Variants in LTO1 observed in about 807,000 individuals in gnomAD.
The protein encoded by LTO1 is protein LTO1 homolog.
Under a neutral mutation model 19.8 loss-of-function variants are expected in LTO1, and 18 were observed. That is an observed-to-expected ratio of 0.91 (90% CI 0.63 to 1.35). The LOEUF (loss-of-function observed/expected upper bound fraction) is 1.35. LTO1 is among the 40% of genes most tolerant of loss of function. LTO1 has a pLI of 0.00. For missense variants in LTO1, 175 were observed against 167.9 expected (o/e 1.04, Z -0.23); for synonymous variants, 59 against 59.6 (o/e 0.99, Z 0.05).
At chr11:69,668,159 C>T (rs967977698) in intron 3 of LTO1, 147 bp from the exon 4 acceptor site, 12 of 643,976 alleles carry the variant, frequency 1.9e-5, no homozygotes, top group African/African-American at 1.6e-4. Context: ...TCTCATTACA[C>T]GAAATCATAT....
chr11:69,669,388 G>T (rs184594443), intron 3 of LTO1, among the ~76,000 whole-genome samples: 12 of 152,250 alleles, frequency 7.9e-5, no homozygotes, highest in African/African-American at 2.9e-4. Flanking sequence ...GGTGCTCCTG[G>T]ATACAGAGAA....
At chr11:69,675,157 A>G (rs747277266) in intron 1 of LTO1, 33 bp downstream of exon 1, 66 of 1,588,544 alleles carry the variant, frequency 4.2e-5, no homozygotes, top group Non-Finnish European at 5.5e-5. Context: ...ACGACCAGAC[A>G]GGGCGGGGTG....
chr11:69,670,018 C>CAA (rs57287425), intron 3 of LTO1, among the ~76,000 whole-genome samples: 2 of 144,000 alleles, frequency 1.4e-5, no homozygotes. Context: ...AAACAAAAAA[C>CAA]AAAAAAAAAA....
In LTO1 at chr11:69,667,592, A is replaced by C; in HGVS notation, c.346-5T>G. The C allele has an allele frequency of 3.1e-6, 5 of 1,592,654 alleles. No homozygotes were observed. Among genetic ancestry groups the C allele is most frequent in the Non-Finnish European group, 4.3e-6 (5 of 1,160,506 alleles). ...AACATTGAGTAACGAACAAAACTGA[A>C]AACACAAAAGAGATGGTATTTTTAA... On this transcript the variant is annotated splice_region_variant and splice_polypyrimidine_tract_variant and intron_variant, in intron 4 of 4. Transcript: ENST00000279147.
chr11:69,667,892 C>G lies in LTO1; in HGVS notation c.345+3G>C, dbSNP rs761375636. ...AGCAGGAGGAAACACACAGTGCACGCACCTGTTTAAATTTTCCTCTGATCT... is the reference window on the plus strand; with the variant it reads ...AGCAGGAGGAAACACACAGTGCACGGACCTGTTTAAATTTTCCTCTGATCT... On this transcript the variant is annotated splice_donor_region_variant and intron_variant, in intron 4 of 4. Coordinates refer to ENST00000279147, the MANE Select transcript of LTO1 (RefSeq NM_153451.3). The G allele has an allele frequency of 7.7e-7, 1 of 1,305,966 alleles. No individual in the cohort carries two copies. The highest frequency in any genetic ancestry group is 1.4e-5 in the African/African-American group (1 of 69,130). The allele number at this position is 1,305,966 out of a possible 1,614,324, so 80.9% of individuals were successfully genotyped here. A position where few individuals can be genotyped will look rare whatever the true frequency, so the allele number is the denominator to read the frequency against.
chr11:69,674,730 C>T (rs1474696273), intron 1 of LTO1: 9 of 458,208 alleles, frequency 2.0e-5, no homozygotes, highest in Admixed American at 1.9e-4. Context: ...ACTCACAGCT[C>T]CCCCACTGTC....
chr11:69,675,297 A>C lies in LTO1; in HGVS notation c.-58T>G. 7.4e-7 allele frequency: 1 copy of C among 1,346,856 alleles called. No individual in the cohort carries two copies. The highest frequency in any genetic ancestry group is 9.9e-7 in the Non-Finnish European group (1 of 1,007,856). The allele number at this position is 1,346,856 out of a possible 1,614,324, so 83.4% of individuals were successfully genotyped here. On this transcript the variant is annotated 5_prime_UTR_variant, in exon 1 of 5. Transcript: ENST00000279147. ...TTCTGCAGCCCCGCGGTGCCGTAGC[A>C]GACCCGGCAGCTTCAGGCACAAATG...
chr11:69,667,974 A>T lies in LTO1; in HGVS notation c.266T>A (p.Ile89Asn). Residue 89 changes from isoleucine (I) to asparagine (N), a missense_variant, in exon 4 of 5, where the codon ATC (isoleucine) becomes AAC (asparagine). Physicochemically the swap from Ile to Asn is moderately radical, Grantham distance 149. Transcript: ENST00000279147. ...MKVLESLIGM[I>N]QKFPYDDPTY... Reference sequence around the variant, plus strand: ...AGGGTCATCATAAGGGAATTTCTGGATCATTCCAATCAATGATTCTAAGAC... The same window carrying T: ...AGGGTCATCATAAGGGAATTTCTGGTTCATTCCAATCAATGATTCTAAGAC... 1 of 1,583,646 alleles carries T rather than the reference A, an allele frequency of 6.3e-7. No individual in the cohort carries two copies. The highest frequency in any genetic ancestry group is 8.7e-7 in the Non-Finnish European group (1 of 1,152,204).
At chr11:69,674,819 C>A (rs1336915590) in intron 1 of LTO1, 4 of 504,678 alleles carry the variant, frequency 7.9e-6, no homozygotes, top group Non-Finnish European at 3.9e-6. Context: ...TCCATGAATA[C>A]TGCCGTATGT....
chr11:69,675,333 G>A lies in LTO1; in HGVS notation c.-94C>T, dbSNP rs1166658551. 9.6e-7 allele frequency: 1 copy of A among 1,045,276 alleles called. No individual in the cohort carries two copies. The highest frequency in any genetic ancestry group is 1.3e-6 in the Non-Finnish European group (1 of 745,348). 64.8% of individuals were successfully genotyped at this position (1,045,276 alleles called of 1,614,324 possible). ...CTTCAGGCACAAATGCTCCGCTTGG[G>A]AGGAGACGAGACCCACTTCCGGAAG... On this transcript the variant is annotated 5_prime_UTR_variant, in exon 1 of 5. Coordinates refer to ENST00000279147, the MANE Select transcript of LTO1 (RefSeq NM_153451.3).
At chr11:69,671,549 C>T in intron 3 of LTO1, 200 bp downstream of exon 3, 1 of 545,164 alleles carries the variant, frequency 1.8e-6, no homozygotes, top group Non-Finnish European at 3.3e-6. Flanking sequence ...CAGTGTTCAC[C>T]AAACACCTAA....
intron 3 of LTO1, chr11:69,671,476 A>G (rs1789167): frequency 0.7 from 248,003 of 353,816 alleles, 88,967 homozygotes; most frequent in East Asian, 0.91. Flanking sequence ...TAAAAGCCAC[A>G]TGGTGCACTA....
Position 69,668,107 on chromosome 11 carries a change from G to A in LTO1, c.228-95C>T, listed in dbSNP as rs1009872760. On this transcript the variant is annotated intron_variant, in intron 3 of 4. Coordinates refer to ENST00000279147, the MANE Select transcript of LTO1 (RefSeq NM_153451.3). ...CTGCTGGCTTCCTGAAACCCAGCAG[G>A]TGCGCTAAGAATGCCTTCGTTCAAA... 1.2e-4 allele frequency: 85 copies of A among 693,206 alleles called. 2 individuals carry two copies. Among genetic ancestry groups the A allele is most frequent in the Non-Finnish European group, 1.9e-4 (74 of 381,524 alleles). 42.9% of individuals were successfully genotyped at this position (693,206 alleles called of 1,614,324 possible).
intron 1 of LTO1, chr11:69,674,964 G>C: frequency 1.4e-6 from 1 of 692,930 alleles, no homozygotes. Context: ...CAGGGAAGGC[G>C]GGTCTGGAAG....
rs768311707 is a variant in LTO1, at chr11:69,673,201, G to A, written c.156+15C>T. ...AATGAAGAGGCTTCATCTCCAGATG[G>A]GGGTTCCCACTTACCTCAGACCCGA... On this transcript the variant is annotated intron_variant, in intron 2 of 4. Coordinates refer to ENST00000279147, the MANE Select transcript of LTO1 (RefSeq NM_153451.3). The A allele has an allele frequency of 1.5e-6, 2 of 1,361,574 alleles. No homozygotes were observed. The highest frequency in any genetic ancestry group is 2.1e-6 in the Non-Finnish European group (2 of 949,298). 84.3% of individuals were successfully genotyped at this position (1,361,574 alleles called of 1,614,324 possible). A position where few individuals can be genotyped will look rare whatever the true frequency, so the allele number is the denominator to read the frequency against.
At chr11:69,671,067 A>G (rs1424467272) in intron 3 of LTO1, among the ~76,000 whole-genome samples, 1 of 151,958 alleles carries the variant, frequency 6.6e-6, no homozygotes, top group African/African-American at 2.4e-5. Context: ...CGCCCGGCTA[A>G]TTTTTGTATT....
chr11:69,674,642 TA>T, intron 1 of LTO1: 1 of 398,388 alleles, frequency 2.5e-6, no homozygotes, highest in South Asian at 1.8e-5. Flanking sequence ...GCCTGACTGC[TA>T]AATGTTCGGC....
Position 69,673,321 on chromosome 11 carries a change from C to A in LTO1, c.51G>T (p.Arg17Ser), listed in dbSNP as rs771959619. Residue 17 changes from arginine (R) to serine (S), a missense_variant and splice_region_variant, in exon 2 of 5, where the codon AGG becomes AGT. Arg to Ser is a moderately radical substitution (Grantham distance 110). Transcript: ENST00000279147. ...CTTCCCGATACCCTTCCCCATGAAA[C>A]CTGTGAAGAAGAAGCATGCTTCATC... Reference protein sequence around the residue: ...IFDAIVMADERFHGEGYREGY... With the variant: ...IFDAIVMADESFHGEGYREGY... 1 of 1,588,922 alleles carries A rather than the reference C, an allele frequency of 6.3e-7. No homozygotes were observed. Among genetic ancestry groups the A allele is most frequent in the South Asian group, 1.1e-5 (1 of 90,496 alleles).
intron 2 of LTO1, 129 bp from the exon 3 acceptor site, chr11:69,671,948 C>A: frequency 1.5e-6 from 1 of 678,794 alleles, no homozygotes; most frequent in Non-Finnish European, 2.7e-6. Flanking sequence ...TCTGGAAGCA[C>A]CTGTTGAGCA....
Sources: gnomAD v4.1 joint callset for allele counts (sites outside exome capture counted in the v4.1 genomes callset) on GRCh38, gnomAD v4.1.1 for gene constraint, MANE v1.5 for transcripts, NCBI Gene and HGNC (gene_info 2026-07-23, HGNC 2026-07-21) for gene names.